The following OR4F15 variants were observed in gnomAD, a reference collection of about 807,000 sequenced individuals.
OR4F15 encodes the protein olfactory receptor 4F15.
A neutral mutation model predicts 11.9 loss-of-function variants in OR4F15; 7 were observed. That is an observed-to-expected ratio of 0.59 (90% CI 0.33 to 1.10). The LOEUF is 1.10. Among genes scored for constraint, OR4F15 ranks in the 50% least tolerant of loss-of-function variants. The pLI, the probability that OR4F15 is intolerant of heterozygous loss-of-function variation, is 0.03. For missense variants in OR4F15, 445 were observed against 377.5 expected (o/e 1.18, Z -1.48); for synonymous variants, 151 against 134.6 (o/e 1.12, Z -0.84).
chr15:101,819,237 A>G lies in OR4F15; in HGVS notation c.*112A>G. ...GACTCAGGCCATACTATATGCCTGAAAATTTATGAAATCATGGTAACAATT... is the reference window on the plus strand; with the variant it reads ...GACTCAGGCCATACTATATGCCTGAGAATTTATGAAATCATGGTAACAATT... On this transcript the variant is annotated 3_prime_UTR_variant, in exon 2 of 2. Transcript: ENST00000332238. 1 of 661,188 alleles carries G rather than the reference A, an allele frequency of 1.5e-6. No homozygotes were observed. The highest frequency in any genetic ancestry group is 2.1e-5 in the South Asian group (1 of 47,174). 41.0% of individuals were successfully genotyped at this position (661,188 alleles called of 1,614,324 possible).
rs561267629 is a variant in OR4F15, at chr15:101,818,354, C to T, written c.168C>T (p.His56=). 2 of 1,614,138 alleles carry T rather than the reference C, an allele frequency of 1.2e-6. No individual in the cohort carries two copies. Among genetic ancestry groups the T allele is most frequent in the Admixed American group, 1.7e-5 (1 of 60,028 alleles). ...CTGTAACCATGGATGCTCATCTGCA[C>T]TCCCCCATGTATTTCCTCCTGGCTA... ...VFTVTMDAHL[H]SPMYFLLANL... The change falls in exon 2 of 2, where the codon CAC becomes CAT. Residue 56 remains histidine (H), a synonymous_variant. Coordinates refer to ENST00000332238, the MANE Select transcript of OR4F15 (RefSeq NM_001001674.2).
chr15:101,816,371 C>G (rs1902989118), intron 1 of OR4F15, among the ~76,000 whole-genome samples: 1 of 152,046 alleles, frequency 6.6e-6, no homozygotes, highest in Non-Finnish European at 1.5e-5. Flanking sequence ...TCTAGAAGCT[C>G]CAGGAGGAAT....
At chr15:101,814,099 C>T (rs1028074071) in intron 1 of OR4F15, among the ~76,000 whole-genome samples, 1 of 152,170 alleles carries the variant, frequency 6.6e-6, no homozygotes, top group Non-Finnish European at 1.5e-5. Context: ...AGGACAAAAG[C>T]TGAGTAAATT....
intron 1 of OR4F15, 142 bp from the exon 2 acceptor site, chr15:101,818,008 T>C (rs1213255600): frequency 5.3e-6 from 3 of 569,830 alleles, no homozygotes; most frequent in Non-Finnish European, 9.3e-6. Context: ...CCCCTCTAAG[T>C]GGAAGTCCAG....
chr15:101,815,532 A>G (rs1275825143), intron 1 of OR4F15, among the ~76,000 whole-genome samples: 4 of 152,170 alleles, frequency 2.6e-5, no homozygotes, highest in South Asian at 2.1e-4. Context: ...CAGAAAACAG[A>G]TCTCCTGAAA....
rs1197616287 is a variant in OR4F15, at chr15:101,818,942, G to C, written c.756G>C (p.Gly252=). The change falls in exon 2 of 2, where the codon GGG becomes GGC. Residue 252 remains glycine, a synonymous_variant. Coordinates refer to ENST00000332238, the MANE Select transcript of OR4F15 (RefSeq NM_001001674.2). ...AHVTVVILFF[G]PLMFFYTWPS... is the part of the protein sequence containing the mutation. Reference sequence around the variant, plus strand: ...TCACTGTGGTCATCTTGTTCTTTGGGCCACTGATGTTTTTCTACACATGGC... The same window carrying C: ...TCACTGTGGTCATCTTGTTCTTTGGCCCACTGATGTTTTTCTACACATGGC... 4 of 1,613,936 alleles carry C rather than the reference G, an allele frequency of 2.5e-6. No homozygotes were observed. The highest frequency in any genetic ancestry group is 3.4e-6 in the Non-Finnish European group (4 of 1,179,998).
chr15:101,812,364 A>G (rs1902921719), intron 1 of OR4F15, 92 bp downstream of exon 1: 1 of 152,200 alleles, frequency 6.6e-6, no homozygotes, highest in African/African-American at 2.4e-5. Context: ...AATTACCTGG[A>G]AAGGGAGAAC....
rs772265150 is a variant in OR4F15 at position 101,818,722 on chromosome 15, G to A, written c.536G>A (p.Cys179Tyr). Residue 179 changes from cysteine (C) to tyrosine (Y), a missense_variant, in exon 2 of 2, where the codon TGT becomes TAT. Transcript: ENST00000332238. Reference sequence around the variant, plus strand: ...CCTAATATCTTTGACAGTTTTTACTGTGATCTCCCTCGGCTCCTCAGACTT... The same window carrying A: ...CCTAATATCTTTGACAGTTTTTACTATGATCTCCCTCGGCTCCTCAGACTT... ...CGPNIFDSFY[C>Y]DLPRLLRLAC... The A allele has an allele frequency of 5.0e-6, 8 of 1,613,946 alleles. No homozygotes were observed. Among genetic ancestry groups the A allele is most frequent in the Non-Finnish European group, 5.9e-6 (7 of 1,180,018 alleles).
In OR4F15 at chr15:101,819,876, GCTC is replaced by G. The variant is rs1206227163; in HGVS notation, c.*753_*755del. 6.6e-6 allele frequency: 1 copy of G among 152,102 alleles called. No individual in the cohort carries two copies. The highest frequency in any genetic ancestry group is 1.5e-5 in the Non-Finnish European group (1 of 68,048). The allele number at this position is 152,102 out of a possible 1,614,324, so 9.4% of individuals were successfully genotyped here. A position where few individuals can be genotyped will look rare whatever the true frequency, so the allele number is the denominator to read the frequency against. On this transcript the variant is annotated 3_prime_UTR_variant, in exon 2 of 2. Coordinates refer to ENST00000332238, the MANE Select transcript of OR4F15 (RefSeq NM_001001674.2). ...GTTCCTAAAGTGTTTGCTTTCTATT[GCTC>G]CAGTCTCTACATATTTTTGCCACCT...
chr15:101,818,531 C>T lies in OR4F15; in HGVS notation c.345C>T (p.Leu115=), dbSNP rs751965513. 9 of 1,613,934 alleles carry T rather than the reference C, an allele frequency of 5.6e-6. No individual in the cohort carries two copies. The highest frequency in any genetic ancestry group is 7.6e-6 in the Non-Finnish European group (9 of 1,179,944). ...HALGGTEMVL[L]IAMAFDRYMA... is the part of the protein sequence containing the mutation. ...TTGGGGGCACTGAGATGGTGCTGCT[C>T]ATAGCCATGGCCTTTGACAGATACA... The change falls in exon 2 of 2, where the codon CTC becomes CTT. Residue 115 remains leucine (L), a synonymous_variant. Transcript: ENST00000332238.
rs149782231 is a variant in OR4F15 at position 101,814,805 on chromosome 15, C to G, written c.-38+2533C>G. Among the ~76,000 whole-genome samples the G allele has an allele frequency of 5.1e-4, 77 of 152,186 alleles. No homozygotes were observed. The East Asian group carries it at 0.011, about 21-fold the overall frequency. ...TCTTTGAGTAAACTTTACACAGAAT[C>G]TCATATTTTTTGAATGACCTAATAA... On this transcript the variant is annotated intron_variant, in intron 1 of 1. Transcript: ENST00000332238.
At chr15:101,817,084 A>G (rs573093170) in intron 1 of OR4F15, among the ~76,000 whole-genome samples, 2 of 152,332 alleles carry the variant, frequency 1.3e-5, no homozygotes, top group South Asian at 4.1e-4. Flanking sequence ...TATTTTATAT[A>G]AAAATTGAGA....
intron 1 of OR4F15, among the ~76,000 whole-genome samples, chr15:101,816,753 G>A (rs1902995573): frequency 6.6e-6 from 1 of 152,098 alleles, no homozygotes; most frequent in South Asian, 2.1e-4. Flanking sequence ...AACTCTAATG[G>A]TTTATTTCGG....
intron 1 of OR4F15, among the ~76,000 whole-genome samples, chr15:101,814,342 T>A (rs1221256656): frequency 6.6e-6 from 1 of 152,164 alleles, no homozygotes; most frequent in African/African-American, 2.4e-5. Flanking sequence ...ATGGATCACT[T>A]ATTTCTTCAT....
At chr15:101,816,734 G>A (rs1473399121) in intron 1 of OR4F15, among the ~76,000 whole-genome samples, 7 of 152,030 alleles carry the variant, frequency 4.6e-5, no homozygotes, top group Non-Finnish European at 8.8e-5. Flanking sequence ...ACACTTCATT[G>A]AACAATGAAA....
chr15:101,812,449 G>A (rs1051889793), intron 1 of OR4F15, among the ~76,000 whole-genome samples, 177 bp downstream of exon 1: 6 of 152,196 alleles, frequency 3.9e-5, no homozygotes, highest in African/African-American at 1.4e-4. Flanking sequence ...GTACACTACA[G>A]AGTCTGGAGT....
At position 101,818,179 on chromosome 15, in the gene OR4F15, C is replaced by G. The variant is rs373435503; in HGVS notation, c.-8C>G. Reference sequence around the variant, plus strand: ...GTAACATGAAAACTGATCTTGGAGTCTGAGGCAATGAATGGAATGAATCAC... The same window carrying G: ...GTAACATGAAAACTGATCTTGGAGTGTGAGGCAATGAATGGAATGAATCAC... On this transcript the variant is annotated 5_prime_UTR_variant, in exon 2 of 2. Transcript: ENST00000332238. 16 of 1,571,794 alleles carry G rather than the reference C, an allele frequency of 1.0e-5. No homozygotes were observed. The African/African-American group carries it at 2.0e-4, about 20-fold the overall frequency.
Position 101,818,939 on chromosome 15 carries a change from T to G in OR4F15, c.753T>G (p.Phe251Leu). ...ATGTCACTGTGGTCATCTTGTTCTTTGGGCCACTGATGTTTTTCTACACAT... is the reference window on the plus strand; with the variant it reads ...ATGTCACTGTGGTCATCTTGTTCTTGGGGCCACTGATGTTTTTCTACACAT... ...SAHVTVVILFFGPLMFFYTWP... is the reference protein window; with the variant it reads ...SAHVTVVILFLGPLMFFYTWP... Residue 251 changes from phenylalanine to leucine, a missense_variant, in exon 2 of 2, where the codon TTT becomes TTG. By Grantham distance (22) the Phe-to-Leu change is conservative (BLOSUM62 0). Transcript: ENST00000332238. 1.2e-6 allele frequency: 2 copies of G among 1,614,192 alleles called. No homozygotes were observed. The highest frequency in any genetic ancestry group is 1.7e-6 in the Non-Finnish European group (2 of 1,180,022).
Position 101,812,273 on chromosome 15 carries a change from G to C in OR4F15, c.-38+1G>C, listed in dbSNP as rs144785648. 1 of 152,182 alleles carries C rather than the reference G, an allele frequency of 6.6e-6. No individual in the cohort carries two copies. Among genetic ancestry groups the C allele is most frequent in the African/African-American group, 2.4e-5 (1 of 41,444 alleles). The allele number at this position is 152,182 out of a possible 1,614,324, so 9.4% of individuals were successfully genotyped here. On this transcript the variant is annotated splice_donor_variant, in intron 1 of 1. Coordinates refer to ENST00000332238, the MANE Select transcript of OR4F15 (RefSeq NM_001001674.2). LOFTEE classifies it low-confidence loss of function (5UTR_SPLICE). ...AACTTCAGCTGCAAGAAAGACTCAG[G>C]TAACAGTTTGTTAGCCTGGGGCAGA...
Sources: gnomAD v4.1 joint callset for allele counts (sites outside exome capture counted in the v4.1 genomes callset) on GRCh38, gnomAD v4.1.1 for gene constraint, MANE v1.5 for transcripts, NCBI Gene and HGNC (gene_info 2026-07-23, HGNC 2026-07-21) for gene names.